The following DYM variants were observed in gnomAD, a reference collection of about 807,000 sequenced individuals.
The protein encoded by DYM is dyggve-Melchior-Clausen syndrome protein.
In DYM, 78 loss-of-function variants were observed where a neutral mutation model predicts 93.1. The observed-to-expected ratio is 0.84, with a 90% CI of 0.70 to 1.01. DYM has a LOEUF of 1.01. Among genes scored for constraint, DYM ranks in the 50% least tolerant of loss-of-function variants. The pLI, the probability that DYM is intolerant of heterozygous loss-of-function variation, is 0.00. For missense variants in DYM, 789 were observed against 845.0 expected, an observed-to-expected ratio of 0.93 and a Z score of 0.82; for synonymous variants, 321 against 319.7, an observed-to-expected ratio of 1.00 and a Z score of -0.04.
intron 17 of DYM, among the ~76,000 whole-genome samples, chr18:49,095,452 T>C (rs926284130): frequency 3.3e-5 from 5 of 151,812 alleles, no homozygotes; most frequent in African/African-American, 9.7e-5. Context: ...ATAGTGTTTT[T>C]TTTTTTTTGT....
At chr18:49,438,892 G>C (rs948303598) in intron 1 of DYM, among the ~76,000 whole-genome samples, 5 of 152,270 alleles carry the variant, frequency 3.3e-5, no homozygotes, top group African/African-American at 1.2e-4. Flanking sequence ...ACAATCGTCG[G>C]CTCCCAATTT....
intron 14 of DYM, among the ~76,000 whole-genome samples, chr18:49,188,333 A>C (rs1241334412): frequency 6.6e-6 from 1 of 152,174 alleles, no homozygotes; most frequent in Non-Finnish European, 1.5e-5. Context: ...TTGTTTTATG[A>C]GGCCCATCAC....
chr18:49,283,693 A>C (rs2095048040), intron 9 of DYM, among the ~76,000 whole-genome samples: 1 of 152,222 alleles, frequency 6.6e-6, no homozygotes, highest in South Asian at 2.1e-4. Flanking sequence ...AAAAAGCACC[A>C]AATTATTTTT....
chr18:49,423,367 C>A (rs1600139825), intron 2 of DYM, among the ~76,000 whole-genome samples: 2 of 152,054 alleles, frequency 1.3e-5, no homozygotes, highest in African/African-American at 4.8e-5. Flanking sequence ...ACACAACATA[C>A]CAGAATCTCT....
Position 49,080,923 on chromosome 18 carries a change from G to A in DYM, c.2025+16479C>T, listed in dbSNP as rs1367706248. 3.3e-5 allele frequency among the ~76,000 whole-genome samples: 5 copies of A among 150,816 alleles called. No individual in the cohort carries two copies. In the South Asian group the frequency reaches 6.3e-4, roughly 19 times the overall value. On this transcript the variant is annotated intron_variant, in intron 17 of 17. Transcript: ENST00000675505. ...AGACGATGGGCGGCCGAGCAGAGACGCTCCTCACTTCCCAGATGGGATGGC... is the reference window on the plus strand; with the variant it reads ...AGACGATGGGCGGCCGAGCAGAGACACTCCTCACTTCCCAGATGGGATGGC...
At chr18:49,292,590 T>TGG (rs1170859011) in intron 8 of DYM, among the ~76,000 whole-genome samples, 1 of 72,430 alleles carries the variant, frequency 1.4e-5, no homozygotes. Context: ...ATTTTCCTGT[T>TGG]GGAAAAAAAA....
chr18:49,080,618 G>A (rs1371164822), intron 17 of DYM, among the ~76,000 whole-genome samples: 3 of 147,758 alleles, frequency 2.0e-5, no homozygotes, highest in Admixed American at 6.7e-5. Context: ...TCCTGGACGG[G>A]GCGGCTGGCC....
rs372277476 is a variant in DYM, at chr18:49,284,244, CTTTG to C, written c.947-2073_947-2070del. On this transcript the variant is annotated intron_variant, in intron 9 of 17. Transcript: ENST00000675505. The stretch of plus-strand genomic sequence containing the variant: ...TATGAACCAGCTGTTATACTAAACA[CTTTG>C]TTTGTGTTATCCCTTATTTAACCCA... Among the ~76,000 whole-genome samples, 199 of 152,258 alleles carry C rather than the reference CTTTG, an allele frequency of 1.3e-3. 1 individual carries two copies. In the South Asian group the frequency reaches 0.015, roughly 12 times the overall value.
intron 17 of DYM, among the ~76,000 whole-genome samples, chr18:49,057,916 G>A (rs879774734): frequency 1.3e-5 from 2 of 152,174 alleles, no homozygotes; most frequent in Non-Finnish European, 2.9e-5. Context: ...GGCTGATGAG[G>A]TCTGCTCTGA....
chr18:49,168,163 A>G (rs2088155245), intron 14 of DYM, among the ~76,000 whole-genome samples: 1 of 152,128 alleles, frequency 6.6e-6, no homozygotes, highest in Non-Finnish European at 1.5e-5. Flanking sequence ...TAGGATAGCC[A>G]CTGTTCTCTG....
At chr18:49,212,768 A>T (rs931580638) in intron 13 of DYM, among the ~76,000 whole-genome samples, 1 of 152,164 alleles carries the variant, frequency 6.6e-6, no homozygotes, top group African/African-American at 2.4e-5. Context: ...AAGTGTTGAG[A>T]TTACAGAAAT....
chr18:49,233,859 G>A (rs1335450606), intron 13 of DYM, among the ~76,000 whole-genome samples: 1 of 152,132 alleles, frequency 6.6e-6, no homozygotes, highest in Non-Finnish European at 1.5e-5. Flanking sequence ...GGGCGCGGTG[G>A]CTCACACCTG....
intron 8 of DYM, among the ~76,000 whole-genome samples, chr18:49,317,238 G>A (rs1424644606): frequency 6.6e-6 from 1 of 152,158 alleles, no homozygotes; most frequent in African/African-American, 2.4e-5. Flanking sequence ...AATTTTTAAA[G>A]TAAAATGTAA....
intron 17 of DYM, among the ~76,000 whole-genome samples, chr18:49,060,595 T>C (rs1265052414): frequency 1.4e-5 from 2 of 141,720 alleles, no homozygotes; most frequent in Non-Finnish European, 3.1e-5. Context: ...TGAGGAACAG[T>C]ACCCTCTGCC....
intron 2 of DYM, among the ~76,000 whole-genome samples, chr18:49,412,242 A>AC (rs111908955): frequency 0.091 from 13,795 of 151,338 alleles, 882 homozygotes; most frequent in East Asian, 0.31. Context: ...GACTTAAAAA[A>AC]AAAAAAAAAA....
At chr18:49,226,653 A>C (rs1240967956) in intron 13 of DYM, among the ~76,000 whole-genome samples, 1 of 152,206 alleles carries the variant, frequency 6.6e-6, no homozygotes. Flanking sequence ...TGGAGATTTC[A>C]TAAGAACAAA....
chr18:49,132,986 T>C (rs2083508731), intron 15 of DYM, among the ~76,000 whole-genome samples: 1 of 152,182 alleles, frequency 6.6e-6, no homozygotes, highest in South Asian at 2.1e-4. Context: ...TTACCAAAGA[T>C]AAAATATTAA....
intron 11 of DYM, among the ~76,000 whole-genome samples, chr18:49,260,871 C>A (rs866388084): frequency 7.7e-4 from 114 of 147,916 alleles, no homozygotes; most frequent in Middle Eastern, 3.5e-3. Context: ...AAAAAAAAAA[C>A]AAAACACCAC....
intron 17 of DYM, among the ~76,000 whole-genome samples, chr18:49,063,606 T>C (rs2144697355): frequency 6.7e-6 from 1 of 149,016 alleles, no homozygotes; most frequent in African/African-American, 2.5e-5. Flanking sequence ...TAGTAATTTC[T>C]TTCTTTCTCT....
Sources: allele counts gnomAD v4.1 joint callset (sites outside exome capture counted in the v4.1 genomes callset), GRCh38; gene constraint gnomAD v4.1.1; transcripts MANE v1.5; gene names NCBI Gene and HGNC (gene_info 2026-07-23, HGNC 2026-07-21).